Variants in CLVS1 observed in about 807,000 individuals in gnomAD.
The protein encoded by CLVS1 is clavesin 1.
Under a neutral mutation model 33.1 loss-of-function variants are expected in CLVS1, and 10 were observed. That is an observed-to-expected ratio of 0.30 (90% confidence interval 0.19 to 0.51). The LOEUF is 0.51. CLVS1 is among the 20% of genes least tolerant of loss of function. The pLI is 0.97. For missense variants in CLVS1, 343 were observed against 433.4 expected (o/e 0.79, Z 1.85); for synonymous variants, 163 against 166.1 (o/e 0.98, Z 0.14).
chr8:61,247,635 T>G (rs1808843825), intron 2 of CLVS1, among the ~76,000 whole-genome samples: 1 of 152,224 alleles, frequency 6.6e-6, no homozygotes, highest in Non-Finnish European at 1.5e-5. Context: ...TGCCCACTTT[T>G]TAATAGGGTT....
intron 2 of CLVS1, among the ~76,000 whole-genome samples, chr8:61,261,123 T>C (rs908113018): frequency 5.3e-5 from 8 of 152,226 alleles, no homozygotes; most frequent in Non-Finnish European, 1.5e-5. Context: ...CTCTGTGATC[T>C]AGGTCAGAGC....
intron 2 of CLVS1, among the ~76,000 whole-genome samples, chr8:61,363,573 A>G (rs1813070990): frequency 1.3e-5 from 2 of 152,204 alleles, no homozygotes; most frequent in Admixed American, 6.5e-5. Flanking sequence ...TCTGTGGGTA[A>G]TGTTACCTGG....
intron 1 of CLVS1, among the ~76,000 whole-genome samples, chr8:61,058,046 G>A (rs1248168179): frequency 6.6e-6 from 1 of 152,208 alleles, no homozygotes; most frequent in Non-Finnish European, 1.5e-5. Context: ...CTTTTCTGTT[G>A]AGAATGTCAG....
At chr8:61,384,578 G>T (rs140699083) in intron 3 of CLVS1, among the ~76,000 whole-genome samples, 1 of 152,138 alleles carries the variant, frequency 6.6e-6, no homozygotes, top group Non-Finnish European at 1.5e-5. Flanking sequence ...TGGTGATGCC[G>T]ACTGGTGATA....
intron 1 of CLVS1, among the ~76,000 whole-genome samples, chr8:61,131,006 G>A (rs1231873917): frequency 2.6e-5 from 4 of 152,296 alleles, no homozygotes; most frequent in East Asian, 3.9e-4. Context: ...TGGATGTCAC[G>A]GGCTCTTTTC....
rs1027244251 is a variant in CLVS1, at chr8:61,208,588, A to AT, written c.-152+76737dup. On this transcript the variant is annotated intron_variant, in intron 2 of 2. Coordinates refer to the CLVS1 transcript ENST00000522621. ...TAATTTACTAGATTGACTGCACCCCATTTTTTTTTCTTTTTTTTTGAGATG... is the reference window on the plus strand; with the variant it reads ...TAATTTACTAGATTGACTGCACCCCATTTTTTTTTTCTTTTTTTTTGAGATG... Among the ~76,000 whole-genome samples, 500 of 150,026 alleles carry AT rather than the reference A, an allele frequency of 3.3e-3. 1 individual carries two copies. Among genetic ancestry groups the AT allele is most frequent in the African/African-American group, 0.011 (460 of 40,842 alleles).
At chr8:61,339,473 C>T (rs192055155) in intron 2 of CLVS1, among the ~76,000 whole-genome samples, 364 of 152,292 alleles carry the variant, frequency 2.4e-3, no homozygotes, top group African/African-American at 8.3e-3. Context: ...ATGCAAGTGG[C>T]CCAGCCCAGA....
rs72654654 is a variant in CLVS1 at position 61,154,217 on chromosome 8, T to G, written c.-152+22357T>G. Among the ~76,000 whole-genome samples the G allele has an allele frequency of 9.6e-3, 1,453 of 151,922 alleles. 15 individuals carry two copies. The highest frequency in any genetic ancestry group is 0.012 in the Non-Finnish European group (846 of 68,000). On this transcript the variant is annotated intron_variant, in intron 2 of 2. Transcript: ENST00000522621. ...AACCCAAGATGCTTTTTTTGTTTTTTTTTGTTTGTTTGTTTGTTTTTTGCT... is the reference window on the plus strand; with the variant it reads ...AACCCAAGATGCTTTTTTTGTTTTTGTTTGTTTGTTTGTTTGTTTTTTGCT...
At chr8:61,048,644 G>C in the CLVS1 span, among the ~76,000 whole-genome samples, 1 of 152,140 alleles carries the variant, frequency 6.6e-6, no homozygotes, top group Non-Finnish European at 1.5e-5. Context: ...AACTGATATA[G>C]AGGTATAGAA....
rs1817154359 is a variant in CLVS1, at chr8:61,456,296, G to A, written c.742-2011G>A. Among the ~76,000 whole-genome samples the A allele has an allele frequency of 2.0e-5, 3 of 152,238 alleles. No homozygotes were observed. In the South Asian group the frequency reaches 6.2e-4, roughly 32 times the overall value. ...AAAACTGGACATGTTGGGTGGAGGG[G>A]TACAAATGTTTTCTCTAAACACCAG... On this transcript the variant is annotated intron_variant, in intron 4 of 5. Coordinates refer to ENST00000325897, the MANE Select transcript of CLVS1 (RefSeq NM_173519.3).
the CLVS1 span, among the ~76,000 whole-genome samples, chr8:61,006,056 A>C: frequency 6.6e-6 from 1 of 152,170 alleles, no homozygotes; most frequent in Non-Finnish European, 1.5e-5. Flanking sequence ...GTCTGGTAGG[A>C]GGAAGCCTCA....
At chr8:61,346,486 G>A (rs973366144) in intron 2 of CLVS1, among the ~76,000 whole-genome samples, 9 of 152,102 alleles carry the variant, frequency 5.9e-5, no homozygotes, top group East Asian at 5.8e-4. Flanking sequence ...TGTTGCGCTC[G>A]CTACAATATA....
At chr8:61,130,906 G>A (rs908597889) in intron 1 of CLVS1, among the ~76,000 whole-genome samples, 11 of 152,192 alleles carry the variant, frequency 7.2e-5, no homozygotes, top group African/African-American at 2.7e-4. Flanking sequence ...TAAAATTCCA[G>A]ACTCATCAAC....
At chr8:61,274,355 C>T (rs1314740778) in intron 2 of CLVS1, among the ~76,000 whole-genome samples, 1 of 152,132 alleles carries the variant, frequency 6.6e-6, no homozygotes, top group Non-Finnish European at 1.5e-5. Context: ...AATATACTCA[C>T]TTATTCTAGT....
intron 2 of CLVS1, among the ~76,000 whole-genome samples, chr8:61,135,974 C>G (rs987223817): frequency 6.6e-6 from 1 of 152,242 alleles, no homozygotes; most frequent in African/African-American, 2.4e-5. Context: ...AGAGCAGCCG[C>G]TCTGGAAGCA....
intron 2 of CLVS1, among the ~76,000 whole-genome samples, chr8:61,174,950 G>A (rs1022337801): frequency 1.1e-5 from 1 of 89,344 alleles, no homozygotes; most frequent in African/African-American, 4.5e-5. Flanking sequence ...GTTAACCTAA[G>A]AGCGGAGACC....
chr8:61,164,809 G>A (rs578073913), intron 2 of CLVS1, among the ~76,000 whole-genome samples: 13 of 152,028 alleles, frequency 8.6e-5, no homozygotes, highest in South Asian at 4.2e-4. Flanking sequence ...TAAACTTTTC[G>A]CACTTTAAAA....
chr8:61,155,556 T>G (rs950987404), intron 2 of CLVS1, among the ~76,000 whole-genome samples: 19 of 152,084 alleles, frequency 1.2e-4, no homozygotes, highest in African/African-American at 4.3e-4. Context: ...AGGAACAATT[T>G]TTTTTTTAAT....
chr8:61,364,908 A>G (rs1279711016), intron 2 of CLVS1, among the ~76,000 whole-genome samples: 2 of 152,230 alleles, frequency 1.3e-5, no homozygotes, highest in African/African-American at 2.4e-5. Flanking sequence ...TCCCATGAAA[A>G]GCAATACATA....
Sources: gnomAD v4.1 joint callset for allele counts (sites outside exome capture counted in the v4.1 genomes callset) on GRCh38, gnomAD v4.1.1 for gene constraint, MANE v1.5 for transcripts, NCBI Gene and HGNC (gene_info 2026-07-23, HGNC 2026-07-21) for gene names.